NRCAM: variants seen among roughly 807,000 people sequenced by gnomAD.
NRCAM encodes neuronal cell adhesion molecule.
NRCAM carries 83 observed loss-of-function variants against 156.5 expected under a neutral mutation model. The observed-to-expected ratio is 0.53, with a 90% CI of 0.44 to 0.64. The LOEUF (loss-of-function observed/expected upper bound fraction) is 0.64, where lower values mean the gene tolerates loss of function less well. NRCAM is among the 30% of genes least tolerant of loss of function. The pLI is 0.00. For synonymous variants in NRCAM, 538 were observed against 563.9 expected, an observed-to-expected ratio of 0.95 and a Z score of 0.65; for missense variants, 1,417 against 1,597.3, an observed-to-expected ratio of 0.89 and a Z score of 1.92.
chr7:108,230,870 TTGAG>T (rs1450173854), intron 8 of NRCAM, among the ~76,000 whole-genome samples, 157 bp downstream of exon 8: 1 of 152,156 alleles, frequency 6.6e-6, no homozygotes, highest in African/African-American at 2.4e-5. Flanking sequence ...TCCAATAAAA[TTGAG>T]TGAGTGAATG....
intron 2 of NRCAM, among the ~76,000 whole-genome samples, chr7:108,372,324 CA>C (rs1461855409): frequency 2.0e-5 from 3 of 151,526 alleles, no homozygotes; most frequent in Non-Finnish European, 4.4e-5. Flanking sequence ...AAAGCACCAG[CA>C]ACCAAAATGA....
intron 1 of NRCAM, among the ~76,000 whole-genome samples, chr7:108,402,530 T>C (rs978713079): frequency 6.6e-6 from 1 of 152,144 alleles, no homozygotes; most frequent in Non-Finnish European, 1.5e-5. Context: ...AAACACAATT[T>C]TGGGAGACAG....
intron 32 of NRCAM, among the ~76,000 whole-genome samples, chr7:108,156,875 T>C (rs2045812476): frequency 6.6e-6 from 1 of 152,172 alleles, no homozygotes; most frequent in Non-Finnish European, 1.5e-5. Flanking sequence ...ATTCTGTTAA[T>C]AAACAGTTGG....
chr7:108,293,710 T>C (rs2098383880), intron 3 of NRCAM, among the ~76,000 whole-genome samples: 2 of 152,242 alleles, frequency 1.3e-5, no homozygotes, highest in South Asian at 4.1e-4. Context: ...GGTTTTCATA[T>C]GTATTATATC....
chr7:108,204,650 C>A (rs1354773541), intron 13 of NRCAM, among the ~76,000 whole-genome samples: 7 of 152,212 alleles, frequency 4.6e-5, no homozygotes, highest in African/African-American at 1.7e-4. Context: ...ATTCCTCTCC[C>A]TGCACGTCCA....
upstream of NRCAM, chr7:108,456,713 C>T (rs1857745102): frequency 6.6e-6 from 1 of 152,088 alleles, no homozygotes; most frequent in South Asian, 2.1e-4. Context: ...CCTGCGAGCG[C>T]GTGTGGCGGC....
At chr7:108,423,354 A>G (rs1344598450) in intron 1 of NRCAM, among the ~76,000 whole-genome samples, 1 of 152,144 alleles carries the variant, frequency 6.6e-6, no homozygotes, top group East Asian at 1.9e-4. Flanking sequence ...GACTGAGGCA[A>G]GAACACAGCC....
At chr7:108,181,766 T>C in intron 24 of NRCAM, 56 bp downstream of exon 24, 4 of 1,164,132 alleles carry the variant, frequency 3.4e-6, no homozygotes, top group Non-Finnish European at 5.1e-6. Context: ...GCATGACAAG[T>C]GGCATTCGCT....
intron 1 of NRCAM, among the ~76,000 whole-genome samples, chr7:108,401,402 G>A (rs1216044977): frequency 1.3e-5 from 2 of 151,968 alleles, no homozygotes; most frequent in African/African-American, 4.8e-5. Flanking sequence ...TTATCTGGGT[G>A]TGGTGGTGCG....
intron 3 of NRCAM, among the ~76,000 whole-genome samples, chr7:108,281,529 G>C (rs2097857754): frequency 6.6e-6 from 1 of 152,230 alleles, no homozygotes; most frequent in Admixed American, 6.5e-5. Context: ...TCATGGCATA[G>C]GAAATATGTG....
chr7:108,280,287 A>G (rs2097800245), intron 3 of NRCAM, among the ~76,000 whole-genome samples: 1 of 152,144 alleles, frequency 6.6e-6, no homozygotes, highest in Admixed American at 6.5e-5. Context: ...TGCAATCTGC[A>G]ATAAACAGGA....
chr7:108,195,688 C>T, intron 15 of NRCAM, 73 bp downstream of exon 15: 1 of 837,008 alleles, frequency 1.2e-6, no homozygotes, highest in South Asian at 1.4e-5. Context: ...TTGAATAAAA[C>T]CCAACATATT....
At chr7:108,256,321 T>A (rs2096658935) in intron 3 of NRCAM, among the ~76,000 whole-genome samples, 1 of 149,786 alleles carries the variant, frequency 6.7e-6, no homozygotes, top group Admixed American at 6.6e-5. Context: ...TCTATAACCT[T>A]ACCCCCAACC....
chr7:108,250,870 T>A (rs948380891), intron 3 of NRCAM, among the ~76,000 whole-genome samples: 7 of 152,106 alleles, frequency 4.6e-5, no homozygotes, highest in African/African-American at 1.4e-4. Flanking sequence ...ACACACCCCA[T>A]AAATATATAC....
chr7:108,282,208 C>T (rs2097886077), intron 3 of NRCAM, among the ~76,000 whole-genome samples: 1 of 152,160 alleles, frequency 6.6e-6, no homozygotes, highest in East Asian at 1.9e-4. Flanking sequence ...ATTAAGATTT[C>T]CAACAGAGAA....
chr7:108,286,698 C>A (rs983689006), intron 3 of NRCAM, among the ~76,000 whole-genome samples: 1 of 152,106 alleles, frequency 6.6e-6, no homozygotes, highest in Non-Finnish European at 1.5e-5. Flanking sequence ...ATAATTCAGA[C>A]ACGATCAGGC....
intron 3 of NRCAM, among the ~76,000 whole-genome samples, chr7:108,274,903 T>A (rs2097534798): frequency 6.6e-6 from 1 of 152,184 alleles, no homozygotes; most frequent in Non-Finnish European, 1.5e-5. Flanking sequence ...TATTTTGAGG[T>A]ACATTCCATT....
At chr7:108,454,496 T>C (rs1241089489) in intron 1 of NRCAM, among the ~76,000 whole-genome samples, 2 of 152,218 alleles carry the variant, frequency 1.3e-5, no homozygotes, top group African/African-American at 2.4e-5. Context: ...AGATGATACA[T>C]GTAACATGCG....
chr7:108,351,989 GGACCCCTCTCAAAGCAGAGATGAAAA>G (rs1160071791), intron 2 of NRCAM, among the ~76,000 whole-genome samples: 70 of 152,166 alleles, frequency 4.6e-4, no homozygotes, highest in African/African-American at 1.5e-3. Flanking sequence ...AGGGCCTTGG[GGACCCCTCTCAAAGCAGAGATGAAAA>G]GACCACTCAC....
Sources: gnomAD v4.1 joint callset for allele counts (sites outside exome capture counted in the v4.1 genomes callset) on GRCh38, gnomAD v4.1.1 for gene constraint, MANE v1.5 for transcripts, NCBI Gene and HGNC (gene_info 2026-07-23, HGNC 2026-07-21) for gene names.